ZFYVE28: variants seen among roughly 807,000 people sequenced by gnomAD.
ZFYVE28 encodes lateral signaling target protein 2 homolog.
A neutral mutation model predicts 82.1 loss-of-function variants in ZFYVE28; 40 were observed. The observed-to-expected ratio is 0.49, with a 90% CI of 0.38 to 0.63. ZFYVE28 has a LOEUF of 0.63. Ranked by LOEUF, ZFYVE28 falls within the 30% of genes least tolerant of loss-of-function variation. ZFYVE28 has a pLI of 0.00. For synonymous variants in ZFYVE28, 612 were observed against 546.1 expected (o/e 1.12, Z -1.68); for missense variants, 1,321 against 1,242.1 (o/e 1.06, Z -0.96).
rs1365553166 is a variant in ZFYVE28 at position 2,409,928 on chromosome 4, C to T, written c.39+8357G>A. On this transcript the variant is annotated intron_variant, in intron 1 of 12. Transcript: ENST00000290974. This position sits in a 1 kb window ranked among gnomAD's most constrained non-coding sequence, Gnocchi z 4.4. ...GCCCCCGCCAGGTGGCCACAGTCAG[C>T]GGGCCAGGCTGGCAGGGTGCTTTCC... is the stretch of plus-strand genomic sequence containing the variant. Among the ~76,000 whole-genome samples, 7 of 152,260 alleles carry T rather than the reference C, an allele frequency of 4.6e-5. No homozygotes were observed. In the East Asian group the frequency reaches 7.7e-4, roughly 17 times the overall value.
At chr4:2,363,178 A>G (rs1726395026) in intron 1 of ZFYVE28, among the ~76,000 whole-genome samples, 2 of 152,048 alleles carry the variant, frequency 1.3e-5, no homozygotes, top group Non-Finnish European at 2.9e-5. Flanking sequence ...CACCTGTGAG[A>G]GTGGCATATA....
chr4:2,418,199 A>G lies in ZFYVE28; in HGVS notation c.39+86T>C. ...AGGCCGGCCACGGACAGGGAAAGGGAGTCCGTCTTGTAGGGCGGACGGGCG... is the reference window on the plus strand; with the variant it reads ...AGGCCGGCCACGGACAGGGAAAGGGGGTCCGTCTTGTAGGGCGGACGGGCG... On this transcript the variant is annotated intron_variant, in intron 1 of 12. Coordinates refer to ENST00000290974, the MANE Select transcript of ZFYVE28 (RefSeq NM_020972.3). This position sits in a 1 kb window ranked among gnomAD's most constrained non-coding sequence, Gnocchi z 4.6. 1 of 1,309,582 alleles carries G rather than the reference A, an allele frequency of 7.6e-7. No individual in the cohort carries two copies. Among genetic ancestry groups the G allele is most frequent in the Non-Finnish European group, 1.0e-6 (1 of 969,466 alleles). 81.1% of individuals were successfully genotyped at this position (1,309,582 alleles called of 1,614,324 possible). A position where few individuals can be genotyped will look rare whatever the true frequency, so the allele number is the denominator to read the frequency against.
rs684322 is a variant in ZFYVE28 at position 2,320,999 on chromosome 4, A to C, written c.702-728T>G. Among the ~76,000 whole-genome samples, 117,483 of 151,818 alleles carry C rather than the reference A, an allele frequency of 0.77. 45,870 individuals carry two copies. The highest frequency in any genetic ancestry group is 0.88 in the Middle Eastern group (260 of 294). On this transcript the variant is annotated intron_variant, in intron 6 of 12. Coordinates refer to ENST00000290974, the MANE Select transcript of ZFYVE28 (RefSeq NM_020972.3). The surrounding 1 kb of genome is among the most constrained non-coding windows in gnomAD (Gnocchi z 5.1). Reference sequence around the variant, plus strand: ...TCTCCACGCACCGTCCAGCCCTGCCAAGCTCCGAGTGTGCCTTGATCATCC... The same window carrying C: ...TCTCCACGCACCGTCCAGCCCTGCCCAGCTCCGAGTGTGCCTTGATCATCC...
chr4:2,398,697 TC>T (rs368322251), intron 1 of ZFYVE28, among the ~76,000 whole-genome samples: 66,192 of 85,604 alleles, frequency 0.77, 27,828 homozygotes, highest in Admixed American at 0.83. Flanking sequence ...CAATGGGGGG[TC>T]GAGATCCAGG....
intron 8 of ZFYVE28, among the ~76,000 whole-genome samples, chr4:2,283,456 C>T (rs1463202147): frequency 1.3e-5 from 2 of 149,092 alleles, no homozygotes; most frequent in African/African-American, 4.9e-5. Flanking sequence ...TCCACCCATC[C>T]ACCCACCCAT....
intron 1 of ZFYVE28, among the ~76,000 whole-genome samples, chr4:2,354,453 AT>A (rs11454323): frequency 0.016 from 2,014 of 122,502 alleles, 19 homozygotes; most frequent in African/African-American, 0.04. Context: ...CTCTCAGGAA[AT>A]TTTTTTTTTT....
intron 1 of ZFYVE28, 89 bp from the exon 2 acceptor site, chr4:2,354,162 G>C: frequency 7.5e-7 from 1 of 1,339,958 alleles, no homozygotes; most frequent in Non-Finnish European, 9.8e-7. Flanking sequence ...CCATGTGTGG[G>C]CTCAGCCTGG....
chr4:2,403,675 A>G (rs1402646523), intron 1 of ZFYVE28, among the ~76,000 whole-genome samples: 1 of 152,170 alleles, frequency 6.6e-6, no homozygotes, highest in Non-Finnish European at 1.5e-5. Flanking sequence ...GTCAAGAACC[A>G]CAGTGGAAGC....
At chr4:2,350,008 T>G (rs1724125497) in intron 2 of ZFYVE28, among the ~76,000 whole-genome samples, 1 of 150,078 alleles carries the variant, frequency 6.7e-6, no homozygotes, top group Non-Finnish European at 1.5e-5. Context: ...ACTGGAATTC[T>G]AGCTAGTTCA....
intron 1 of ZFYVE28, among the ~76,000 whole-genome samples, chr4:2,400,227 C>T (rs1731029542): frequency 6.6e-6 from 1 of 152,362 alleles, no homozygotes; most frequent in East Asian, 1.9e-4. Context: ...TGGGGTTACC[C>T]ACTTTTATAC....
chr4:2,351,783 T>G (rs994733241), intron 2 of ZFYVE28, among the ~76,000 whole-genome samples: 1 of 152,198 alleles, frequency 6.6e-6, no homozygotes, highest in African/African-American at 2.4e-5. Flanking sequence ...GGTCTGTGCT[T>G]CTGTCCAGCT....
At position 2,409,688 on chromosome 4, in the gene ZFYVE28, C is replaced by T. The variant is rs576340002; in HGVS notation, c.39+8597G>A. On this transcript the variant is annotated intron_variant, in intron 1 of 12. Transcript: ENST00000290974. This position sits in a 1 kb window ranked among gnomAD's most constrained non-coding sequence, Gnocchi z 4.4. ...GAGAAGGCTGAGTCCAGTACACCCA[C>T]GGTGGGGTGGGGGGGCTGACCCCTG... is the stretch of plus-strand genomic sequence containing the variant. 2.6e-5 allele frequency among the ~76,000 whole-genome samples: 4 copies of T among 152,360 alleles called. No individual in the cohort carries two copies. Among genetic ancestry groups the T allele is most frequent in the Non-Finnish European group, 4.4e-5 (3 of 68,036 alleles).
At chr4:2,348,518 A>G (rs1272746044) in intron 2 of ZFYVE28, among the ~76,000 whole-genome samples, 2 of 152,242 alleles carry the variant, frequency 1.3e-5, no homozygotes, top group African/African-American at 2.4e-5. Flanking sequence ...TGATCCAAAA[A>G]TTCCTAACAA....
In ZFYVE28 at chr4:2,304,325, G is replaced by A. The variant is rs117669252; in HGVS notation, c.2015C>T (p.Ser672Leu). The change falls in exon 8 of 13, where the codon TCG becomes TTG. Residue 672 changes from serine to leucine, a missense_variant. Transcript: ENST00000290974. ...EARELHAGSP[S>L]AHEAPQALSG... ...CAGGGCCTGAGGCGCCTCGTGAGCC[G>A]AGGGGCTCCCAGCATGCAGCTCTCT... The A allele has an allele frequency of 3.7e-4, 598 of 1,601,420 alleles. 1 individual carries two copies. The African/African-American group carries it at 4.3e-3, about 11-fold the overall frequency.
chr4:2,276,150 G>A (rs992116140), intron 8 of ZFYVE28, among the ~76,000 whole-genome samples: 2 of 152,188 alleles, frequency 1.3e-5, no homozygotes, highest in Non-Finnish European at 2.9e-5. Flanking sequence ...GCAGAGCGGG[G>A]GAGGAGGCTG....
chr4:2,385,481 G>A (rs1729158841), intron 1 of ZFYVE28, among the ~76,000 whole-genome samples: 1 of 152,226 alleles, frequency 6.6e-6, no homozygotes. Context: ...TTTGAGACTA[G>A]GTCTCTGGAC....
intron 1 of ZFYVE28, among the ~76,000 whole-genome samples, chr4:2,380,961 AAG>A (rs1247291439): frequency 1.3e-5 from 2 of 152,346 alleles, no homozygotes; most frequent in East Asian, 3.9e-4. Flanking sequence ...TATTGCTGAA[AAG>A]ATATCCGAAA....
At chr4:2,370,147 C>T (rs926514886) in intron 1 of ZFYVE28, among the ~76,000 whole-genome samples, 3 of 151,928 alleles carry the variant, frequency 2.0e-5, no homozygotes, top group East Asian at 3.9e-4. Context: ...CACGCCCGGC[C>T]GATTTTTGTT....
At position 2,270,539 on chromosome 4, in the gene ZFYVE28, C is replaced by G. The variant is rs893271436; in HGVS notation, c.*186G>C. ...GCTGACCTCTTGTTGGCCCCTGCAG[C>G]CGGCCCGGGGTCCCTGCAGGGAGGC... On this transcript the variant is annotated 3_prime_UTR_variant, in exon 13 of 13. Transcript: ENST00000290974. 1 of 853,010 alleles carries G rather than the reference C, an allele frequency of 1.2e-6. No individual in the cohort carries two copies. The highest frequency in any genetic ancestry group is 1.8e-6 in the Non-Finnish European group (1 of 565,810). 52.8% of individuals were successfully genotyped at this position (853,010 alleles called of 1,614,324 possible).
Sources: allele counts gnomAD v4.1 joint callset (sites outside exome capture counted in the v4.1 genomes callset), GRCh38; gene constraint gnomAD v4.1.1; non-coding constraint Gnocchi (gnomAD v3.1); transcripts MANE v1.5; gene names NCBI Gene and HGNC (gene_info 2026-07-23, HGNC 2026-07-21).